The following PHF21B variants were observed in gnomAD, a reference collection of about 807,000 sequenced individuals.
PHF21B encodes PHD finger protein 4.
In PHF21B, 22 loss-of-function variants were observed where a neutral mutation model predicts 62.2. The observed-to-expected ratio is 0.35, with a 90% CI of 0.25 to 0.51. PHF21B has a LOEUF of 0.51. Among genes scored for constraint, PHF21B ranks in the 20% least tolerant of loss-of-function variants. The pLI is 0.97. For synonymous variants in PHF21B, 341 were observed against 314.7 expected (o/e 1.08, Z -0.88); for missense variants, 701 against 707.9 (o/e 0.99, Z 0.11).
At chr22:44,947,803 G>C (rs914603349) in intron 2 of PHF21B, among the ~76,000 whole-genome samples, 23 of 152,108 alleles carry the variant, frequency 1.5e-4, no homozygotes, top group African/African-American at 5.1e-4. Flanking sequence ...GTTTCAGTTT[G>C]TCACTTCGGC....
chr22:44,990,709 A>G (rs1474944256), intron 2 of PHF21B, among the ~76,000 whole-genome samples: 1 of 152,248 alleles, frequency 6.6e-6, no homozygotes, highest in African/African-American at 2.4e-5. Context: ...ATGGGTACCA[A>G]GTTGCAGTTT....
At chr22:44,975,629 C>T (rs376881155) in intron 2 of PHF21B, among the ~76,000 whole-genome samples, 4 of 152,328 alleles carry the variant, frequency 2.6e-5, no homozygotes, top group Admixed American at 1.3e-4. Flanking sequence ...ACGAGGAAGG[C>T]AGGAGGGAAC....
At chr22:44,916,146 T>C (rs1341735013) in intron 4 of PHF21B, 134 bp downstream of exon 4, 1 of 820,584 alleles carries the variant, frequency 1.2e-6, no homozygotes, top group Non-Finnish European at 1.9e-6. Flanking sequence ...TTCATTCATT[T>C]GTCCACTTGA....
chr22:44,970,031 A>G (rs953847720), intron 2 of PHF21B, among the ~76,000 whole-genome samples: 2 of 152,224 alleles, frequency 1.3e-5, no homozygotes, highest in African/African-American at 4.8e-5. Context: ...TCAACTCTAC[A>G]GGTGGTCAAC....
At chr22:44,885,597 G>C (rs377189509) in intron 11 of PHF21B, 68 bp from the exon 12 acceptor site, 2 of 1,447,008 alleles carry the variant, frequency 1.4e-6, no homozygotes, top group East Asian at 2.5e-5. Flanking sequence ...AGAGTAAATG[G>C]GAGAGGCAGA....
At chr22:45,003,070 T>G (rs2073249449) in intron 2 of PHF21B, 2 of 152,192 alleles carry the variant, frequency 1.3e-5, no homozygotes, top group Non-Finnish European at 2.9e-5. Flanking sequence ...TTGAAACTGT[T>G]CTCCACGCCT....
At chr22:44,968,820 A>T (rs2072582407) in intron 2 of PHF21B, among the ~76,000 whole-genome samples, 1 of 152,162 alleles carries the variant, frequency 6.6e-6, no homozygotes, top group South Asian at 2.1e-4. Flanking sequence ...TCAAAGTGTC[A>T]GGTTTCAGAG....
rs764097970 is a variant in PHF21B, at chr22:44,893,808, C to A, written c.884-275G>T. On this transcript the variant is annotated intron_variant, in intron 6 of 12. Coordinates refer to ENST00000313237, the MANE Select transcript of PHF21B (RefSeq NM_138415.5). The stretch of plus-strand genomic sequence containing the variant: ...AGGTGCCCACTCTTAGCACGGGGTC[C>A]TCCTTTTGTGTCCCTATCTGGCCCA... Among the ~76,000 whole-genome samples the A allele has an allele frequency of 6.6e-5, 10 of 152,260 alleles. No individual in the cohort carries two copies. The East Asian group carries it at 1.9e-3, about 29-fold the overall frequency.
chr22:44,964,881 C>T (rs1045969609), intron 2 of PHF21B, among the ~76,000 whole-genome samples: 6 of 152,248 alleles, frequency 3.9e-5, no homozygotes, highest in Non-Finnish European at 7.3e-5. Context: ...TGGACCAAAC[C>T]TGCTCTTGCT....
intron 2 of PHF21B, among the ~76,000 whole-genome samples, chr22:45,007,631 C>T (rs575572246): frequency 6.8e-6 from 1 of 146,720 alleles, no homozygotes; most frequent in Non-Finnish European, 1.5e-5. Context: ...CACAGCGGTG[C>T]CCCCAGCACG....
intron 10 of PHF21B, 94 bp from the exon 11 acceptor site, chr22:44,886,032 C>CAAG: frequency 8.6e-7 from 1 of 1,160,196 alleles, no homozygotes; most frequent in Non-Finnish European, 1.2e-6. Flanking sequence ...GGGGGCACGC[C>CAAG]CTGTCTGAGC....
chr22:44,905,177 C>T (rs935350301), intron 5 of PHF21B, among the ~76,000 whole-genome samples: 1 of 152,202 alleles, frequency 6.6e-6, no homozygotes, highest in Non-Finnish European at 1.5e-5. Context: ...GCTGAAAGCC[C>T]CATGAGGTGA....
chr22:44,986,389 G>C (rs1290287997), intron 2 of PHF21B, among the ~76,000 whole-genome samples: 1 of 150,206 alleles, frequency 6.7e-6, no homozygotes, highest in East Asian at 2.0e-4. Context: ...CCATCACCAG[G>C]AGCACCACCA....
At chr22:44,966,006 C>A (rs2147433368) in intron 2 of PHF21B, among the ~76,000 whole-genome samples, 1 of 152,348 alleles carries the variant, frequency 6.6e-6, no homozygotes, top group Admixed American at 6.5e-5. Context: ...ACTGGGCACC[C>A]AAGGGAGTGC....
intron 2 of PHF21B, among the ~76,000 whole-genome samples, chr22:44,994,811 G>A (rs144117996): frequency 4.8e-4 from 73 of 152,282 alleles, no homozygotes; most frequent in Non-Finnish European, 9.8e-4. Flanking sequence ...ATGTGCCAAC[G>A]TCCCCACTTC....
chr22:44,926,805 G>A (rs1449362515), intron 2 of PHF21B, among the ~76,000 whole-genome samples: 1 of 152,156 alleles, frequency 6.6e-6, no homozygotes, highest in Non-Finnish European at 1.5e-5. Flanking sequence ...TGCGTGAGCC[G>A]GGGGTGGCCG....
chr22:44,950,375 C>T (rs1021062379), intron 2 of PHF21B, among the ~76,000 whole-genome samples: 22 of 152,200 alleles, frequency 1.4e-4, no homozygotes, highest in African/African-American at 5.1e-4. Flanking sequence ...AAGAGGAATA[C>T]GTGCTACCCT....
chr22:44,947,891 G>T (rs999363781), intron 2 of PHF21B, among the ~76,000 whole-genome samples: 5 of 151,040 alleles, frequency 3.3e-5, no homozygotes, highest in South Asian at 2.1e-4. Context: ...GGTCTTAAGG[G>T]TACAGCTGGA....
intron 2 of PHF21B, chr22:45,002,717 T>G (rs560225433): frequency 2.6e-5 from 4 of 152,412 alleles, no homozygotes; most frequent in African/African-American, 9.6e-5. Context: ...TAGAAGCCCT[T>G]GGGCACGGCA....
Sources: gnomAD v4.1 joint callset for allele counts (sites outside exome capture counted in the v4.1 genomes callset) on GRCh38, gnomAD v4.1.1 for gene constraint, MANE v1.5 for transcripts, NCBI Gene and HGNC (gene_info 2026-07-23, HGNC 2026-07-21) for gene names.